The following MACROD2 variants were observed in gnomAD, a reference collection of about 807,000 sequenced individuals.
MACROD2 encodes the protein mono-ADP ribosylhydrolase 2.
In MACROD2, 36 loss-of-function variants were observed where a neutral mutation model predicts 70.4. The ratio of observed to expected loss-of-function variants is 0.51; its 90% CI spans 0.39 to 0.68. The LOEUF (loss-of-function observed/expected upper bound fraction) is 0.68, where lower values mean the gene tolerates loss of function less well. Ranked by LOEUF, MACROD2 falls within the 30% of genes least tolerant of loss-of-function variation. The pLI, the probability that MACROD2 is intolerant of heterozygous loss-of-function variation, is 0.00. For synonymous variants in MACROD2, 172 were observed against 178.8 expected (o/e 0.96, Z 0.30); for missense variants, 496 against 538.4 (o/e 0.92, Z 0.78).
At chr20:14,389,421 CAAAAAAA>C (rs4052956) in intron 3 of MACROD2, among the ~76,000 whole-genome samples, 1 of 90,042 alleles carries the variant, frequency 1.1e-5, no homozygotes, top group Admixed American at 1.4e-4. Context: ...GACTTGGTCT[CAAAAAAA>C]AAAAAAAAAA....
chr20:15,962,562 C>A (rs1343830658), intron 12 of MACROD2, among the ~76,000 whole-genome samples: 1 of 152,146 alleles, frequency 6.6e-6, no homozygotes, highest in African/African-American at 2.4e-5. Context: ...TAATAGAAAT[C>A]AAATTAATTG....
At chr20:14,033,853 A>G (rs908603154) in intron 2 of MACROD2, among the ~76,000 whole-genome samples, 4 of 152,186 alleles carry the variant, frequency 2.6e-5, no homozygotes, top group African/African-American at 9.7e-5. Flanking sequence ...ACACAGAATG[A>G]TGCTCTAGTA....
chr20:14,119,138 G>A (rs1438404916), intron 3 of MACROD2, among the ~76,000 whole-genome samples: 2 of 144,486 alleles, frequency 1.4e-5, no homozygotes, highest in South Asian at 2.2e-4. Context: ...GTGAGCCACC[G>A]CGCCTGGCCA....
chr20:15,464,091 C>T (rs1000806203), intron 7 of MACROD2, among the ~76,000 whole-genome samples: 2 of 152,148 alleles, frequency 1.3e-5, no homozygotes, highest in Non-Finnish European at 2.9e-5. Context: ...CCCTGTCACC[C>T]GAGCTGGAAT....
At chr20:15,394,297 T>G (rs546220369) in intron 6 of MACROD2, among the ~76,000 whole-genome samples, 29 of 152,332 alleles carry the variant, frequency 1.9e-4, no homozygotes, top group Non-Finnish European at 3.5e-4. Context: ...CCTACAATTT[T>G]GGGTCTTTTC....
chr20:14,040,734 A>G (rs961870035), intron 2 of MACROD2, among the ~76,000 whole-genome samples: 1 of 152,314 alleles, frequency 6.6e-6, no homozygotes, highest in Non-Finnish European at 1.5e-5. Context: ...TTGTGCTATG[A>G]CATTATGACA....
intron 5 of MACROD2, among the ~76,000 whole-genome samples, chr20:15,056,816 G>A (rs1026716141): frequency 2.2e-4 from 33 of 152,278 alleles, no homozygotes; most frequent in African/African-American, 7.5e-4. Context: ...TGATTGACAT[G>A]TATGATCACA....
At chr20:14,743,001 C>G (rs1051627730) in intron 5 of MACROD2, among the ~76,000 whole-genome samples, 1 of 151,922 alleles carries the variant, frequency 6.6e-6, no homozygotes, top group Non-Finnish European at 1.5e-5. Flanking sequence ...CTCCTGACCT[C>G]GTGATCCGCC....
intron 5 of MACROD2, among the ~76,000 whole-genome samples, chr20:14,842,629 A>G (rs569661464): frequency 1.3e-4 from 20 of 152,226 alleles, no homozygotes; most frequent in African/African-American, 4.3e-4. Context: ...CTCAAAGCAG[A>G]TATTTGTGTG....
intron 5 of MACROD2, among the ~76,000 whole-genome samples, chr20:14,783,316 T>G (rs994563354): frequency 6.6e-6 from 1 of 152,122 alleles, no homozygotes; most frequent in Non-Finnish European, 1.5e-5. Flanking sequence ...CTCTTAAGAT[T>G]ATCATGTAGC....
intron 5 of MACROD2, among the ~76,000 whole-genome samples, chr20:15,178,407 C>A (rs937367549): frequency 6.6e-6 from 1 of 152,170 alleles, no homozygotes; most frequent in Non-Finnish European, 1.5e-5. Flanking sequence ...TTAATCCTCA[C>A]AATTATTCTG....
chr20:15,986,863 A>G (rs948693412), intron 14 of MACROD2, 62 bp downstream of exon 14: 160 of 1,314,776 alleles, frequency 1.2e-4, no homozygotes, highest in Non-Finnish European at 1.6e-4. Context: ...CATGACTTCT[A>G]TATATACCTG....
chr20:15,910,124 G>A (rs921484832), intron 10 of MACROD2, among the ~76,000 whole-genome samples: 4 of 151,984 alleles, frequency 2.6e-5, no homozygotes, highest in East Asian at 1.9e-4. Context: ...GTTCTGTTAC[G>A]CCATCATCAA....
Position 15,665,789 on chromosome 20 carries a change from T to C in MACROD2, c.645+165942T>C, listed in dbSNP as rs540108176. 2.0e-5 allele frequency among the ~76,000 whole-genome samples: 3 copies of C among 152,314 alleles called. No homozygotes were observed. The South Asian group carries it at 6.2e-4, about 32-fold the overall frequency. ...CAACCTTGGTGTTCTTGTTTATACA[T>C]ATGAGACTTATTCTCTAAGCATCCC... On this transcript the variant is annotated intron_variant, in intron 8 of 17. Transcript: ENST00000684519.
At chr20:14,405,974 A>G (rs1414192703) in intron 3 of MACROD2, among the ~76,000 whole-genome samples, 1 of 152,218 alleles carries the variant, frequency 6.6e-6, no homozygotes, top group Non-Finnish European at 1.5e-5. Flanking sequence ...ATAAAAAAAG[A>G]GACTTTTGTC....
chr20:15,002,061 G>A (rs189920949), intron 5 of MACROD2, among the ~76,000 whole-genome samples: 2 of 152,168 alleles, frequency 1.3e-5, no homozygotes, highest in Non-Finnish European at 2.9e-5. Context: ...TGTGAATTGT[G>A]CTGCTATAAA....
intron 5 of MACROD2, among the ~76,000 whole-genome samples, chr20:15,016,892 AT>A (rs1267480755): frequency 1.3e-5 from 2 of 152,136 alleles, no homozygotes; most frequent in African/African-American, 4.8e-5. Context: ...CCATGATTCA[AT>A]TATCTCCTCC....
chr20:15,669,518 C>T (rs1323325488), intron 8 of MACROD2, among the ~76,000 whole-genome samples: 4 of 152,182 alleles, frequency 2.6e-5, no homozygotes. Flanking sequence ...CCCCCAACTC[C>T]TGCTCCCTGA....
intron 12 of MACROD2, among the ~76,000 whole-genome samples, chr20:15,958,540 T>C (rs1348335697): frequency 6.6e-6 from 1 of 152,168 alleles, no homozygotes; most frequent in Non-Finnish European, 1.5e-5. Context: ...TAAAATCCCA[T>C]TTCCAAATCT....
Sources: gnomAD v4.1 joint callset for allele counts (sites outside exome capture counted in the v4.1 genomes callset) on GRCh38, gnomAD v4.1.1 for gene constraint, MANE v1.5 for transcripts, NCBI Gene and HGNC (gene_info 2026-07-23, HGNC 2026-07-21) for gene names.